Variants in PRRC2B observed in about 807,000 individuals in gnomAD.
PRRC2B encodes the protein proline rich coiled-coil 2B, also known as protein PRRC2B.
A neutral mutation model predicts 242.3 loss-of-function variants in PRRC2B; 68 were observed. The observed-to-expected ratio is 0.28, with a 90% CI of 0.23 to 0.34. The LOEUF (loss-of-function observed/expected upper bound fraction) is 0.34. Ranked by LOEUF, PRRC2B falls within the 10% of genes least tolerant of loss-of-function variation. PRRC2B has a pLI of 1.00. For synonymous variants in PRRC2B, 1,228 were observed against 1,173.6 expected (o/e 1.05, Z -0.95); for missense variants, 2,835 against 2,954.8 (o/e 0.96, Z 0.94).
At chr9:131,416,286 T>C (rs927508662) in intron 1 of PRRC2B, among the ~76,000 whole-genome samples, 9 of 152,092 alleles carry the variant, frequency 5.9e-5, no homozygotes, top group African/African-American at 2.2e-4. Context: ...TTTTTGTATC[T>C]TTAGTAGGGA....
At position 131,482,802 on chromosome 9, in the gene PRRC2B, G is replaced by A. The variant is rs1317946131; in HGVS notation, c.5268G>A (p.Gly1756=). The change falls in exon 22 of 32, where the codon GGG becomes GGA. Residue 1756 remains glycine, a synonymous_variant. Transcript: ENST00000683519. This position sits in a 1 kb window ranked among gnomAD's most constrained non-coding sequence, Gnocchi z 5.2. The part of the protein sequence containing the change: ...RSLKNRKGSE[G]AERLQGAVVP... ...TGAAAAACAGAAAGGGCTCGGAGGG[G>A]GCCGAGCGGCTGCAAGGGGCTGTCG... The A allele has an allele frequency of 6.2e-7, 1 of 1,610,356 alleles. No homozygotes were observed. The highest frequency in any genetic ancestry group is 2.2e-5 in the East Asian group (1 of 44,740).
intron 6 of PRRC2B, 27 bp downstream of exon 6, chr9:131,444,355 C>G (rs761606209): frequency 6.2e-7 from 1 of 1,602,278 alleles, no homozygotes; most frequent in Non-Finnish European, 8.5e-7. Context: ...TCTGGGCACT[C>G]GATGGAGTAA....
At chr9:131,464,311 C>CT (rs1008417821) in intron 11 of PRRC2B, among the ~76,000 whole-genome samples, 1 of 152,198 alleles carries the variant, frequency 6.6e-6, no homozygotes, top group African/African-American at 2.4e-5. Flanking sequence ...AGGGCTCTTT[C>CT]TACCCAGGGG....
chr9:131,461,362 G>A (rs1344515923), intron 11 of PRRC2B, among the ~76,000 whole-genome samples: 1 of 152,068 alleles, frequency 6.6e-6, no homozygotes, highest in East Asian at 1.9e-4. Context: ...CCTTGCCTGG[G>A]CTCTAACCAT....
chr9:131,482,478 G>A lies in PRRC2B; in HGVS notation c.5091G>A (p.Lys1697=), dbSNP rs368235758. The stretch of plus-strand genomic sequence containing the variant: ...GCAGCTCCCCATATGGGACTCTGAA[G>A]CCAGAGGAGATGAGCGGGCCCGGCC... The part of the protein sequence containing the change: ...SQRSSPYGTL[K]PEEMSGPGLA... The change falls in exon 21 of 32, where the codon AAG becomes AAA. Residue 1697 remains lysine, a synonymous_variant. Coordinates refer to ENST00000683519, the MANE Select transcript of PRRC2B (RefSeq NM_013318.4). The surrounding 1 kb of genome is among the most constrained non-coding windows in gnomAD (Gnocchi z 5.2). 3.5e-5 allele frequency: 56 copies of A among 1,612,228 alleles called. No individual in the cohort carries two copies. Among genetic ancestry groups the A allele is most frequent in the Middle Eastern group, 1.6e-4 (1 of 6,076 alleles).
At chr9:131,421,355 A>G (rs1837834456) in intron 1 of PRRC2B, among the ~76,000 whole-genome samples, 1 of 152,170 alleles carries the variant, frequency 6.6e-6, no homozygotes, top group Non-Finnish European at 1.5e-5. Context: ...TGTGTTGGGG[A>G]AAGATAGACT....
intron 1 of PRRC2B, among the ~76,000 whole-genome samples, 151 bp downstream of exon 1, chr9:131,394,414 G>C (rs1836983148): frequency 6.8e-6 from 1 of 146,144 alleles, no homozygotes; most frequent in Non-Finnish European, 1.5e-5. Flanking sequence ...GAGCGCGGCC[G>C]CCGCCGCCTC....
intron 1 of PRRC2B, among the ~76,000 whole-genome samples, chr9:131,387,296 C>G (rs1044605205): frequency 2.0e-5 from 3 of 150,026 alleles, no homozygotes; most frequent in African/African-American, 7.3e-5. Flanking sequence ...CCACCGCGCC[C>G]GGCCACCTGT....
At position 131,447,737 on chromosome 9, in the gene PRRC2B, C is replaced by T. The variant is rs1838850204; in HGVS notation, c.1053C>T (p.Thr351=). The T allele has an allele frequency of 6.2e-7, 1 of 1,613,798 alleles. No individual in the cohort carries two copies. Among genetic ancestry groups the T allele is most frequent in the Non-Finnish European group, 8.5e-7 (1 of 1,179,754 alleles). Residue 351 remains threonine, a synonymous_variant, in exon 9 of 32, where the codon ACC becomes ACT. Coordinates refer to ENST00000683519, the MANE Select transcript of PRRC2B (RefSeq NM_013318.4). The part of the protein sequence containing the change: ...RQLVERAPRP[T]IINAENLKGL... ...TGGTGGAGCGGGCACCACGGCCCAC[C>T]ATTATCAATGCGGAAAACCTGAAGG...
intron 9 of PRRC2B, among the ~76,000 whole-genome samples, chr9:131,450,835 G>A (rs1182613126): frequency 1.3e-5 from 2 of 151,732 alleles, no homozygotes; most frequent in East Asian, 2.0e-4. Context: ...TGATAGGTCC[G>A]CCTTGGCCTC....
intron 1 of PRRC2B, among the ~76,000 whole-genome samples, chr9:131,420,294 T>A (rs1205707966): frequency 6.6e-6 from 1 of 151,830 alleles, no homozygotes; most frequent in Non-Finnish European, 1.5e-5. Flanking sequence ...CCTCACCCAT[T>A]TGGGCTTCTG....
chr9:131,430,924 A>G (rs1381270461), intron 2 of PRRC2B, among the ~76,000 whole-genome samples: 5 of 150,200 alleles, frequency 3.3e-5, no homozygotes, highest in Non-Finnish European at 7.4e-5. Flanking sequence ...GATGGGTAGA[A>G]TGGGACTTAA....
In PRRC2B at chr9:131,475,447, C is replaced by G. The variant is rs373631803; in HGVS notation, c.3318C>G (p.Ser1106Arg). The G allele has an allele frequency of 7.6e-6, 12 of 1,579,940 alleles. No individual in the cohort carries two copies. The highest frequency in any genetic ancestry group is 9.5e-6 in the Non-Finnish European group (11 of 1,162,892). Reference sequence around the variant, plus strand: ...GCATCTACTGCAGCAGTCAGCGCAGCGGCCGTGGCCGGGGCCTGCGAGAGT... The same window carrying G: ...GCATCTACTGCAGCAGTCAGCGCAGGGGCCGTGGCCGGGGCCTGCGAGAGT... ...ARSIYCSSQR[S>R]GRGRGLREFA... is the part of the protein sequence containing the mutation. Residue 1106 changes from serine to arginine, a missense_variant, in exon 16 of 32, where the codon AGC becomes AGG. Around this residue, in one of 7 missense-constraint regions of PRRC2B, gnomAD observed 1,536 missense variants for 1,483.1 expected, o/e 1.04. Coordinates refer to ENST00000683519, the MANE Select transcript of PRRC2B (RefSeq NM_013318.4).
chr9:131,470,659 C>T, intron 13 of PRRC2B, 129 bp from the exon 14 acceptor site: 1 of 690,890 alleles, frequency 1.4e-6, no homozygotes, highest in Non-Finnish European at 2.4e-6. Context: ...CCATCCCTCC[C>T]CTCCTTGGTC....
At chr9:131,469,500 C>T (rs899443483) in intron 13 of PRRC2B, among the ~76,000 whole-genome samples, 1 of 152,082 alleles carries the variant, frequency 6.6e-6, no homozygotes, top group Non-Finnish European at 1.5e-5. Flanking sequence ...ACTCAAGTCT[C>T]TTGATTGATG....
chr9:131,477,560 A>AC (rs1314356991), intron 16 of PRRC2B, among the ~76,000 whole-genome samples, 184 bp from the exon 17 acceptor site: 1 of 152,176 alleles, frequency 6.6e-6, no homozygotes, highest in African/African-American at 2.4e-5. Flanking sequence ...GGGCAGCCTT[A>AC]CACGTATGTT....
At chr9:131,463,627 G>C (rs1388453134) in intron 11 of PRRC2B, among the ~76,000 whole-genome samples, 1 of 57,130 alleles carries the variant, frequency 1.8e-5, no homozygotes, top group African/African-American at 6.0e-5. Context: ...TTTTAGGCAT[G>C]CTTTTTTTTT....
intron 1 of PRRC2B, among the ~76,000 whole-genome samples, chr9:131,418,768 T>C (rs1292350268): frequency 6.6e-6 from 1 of 152,244 alleles, no homozygotes; most frequent in East Asian, 1.9e-4. Flanking sequence ...TTTAAAATTA[T>C]CTTCATAGTT....
chr9:131,475,549 G>A lies in PRRC2B; in HGVS notation c.3420G>A (p.Glu1140=), dbSNP rs755554374. 2 of 1,612,824 alleles carry A rather than the reference G, an allele frequency of 1.2e-6. No individual in the cohort carries two copies. Among genetic ancestry groups the A allele is most frequent in the Admixed American group, 1.7e-5 (1 of 59,988 alleles). Residue 1140 remains glutamate (E), a synonymous_variant, in exon 16 of 32, where the codon GAG becomes GAA. Transcript: ENST00000683519. Reference sequence around the variant, plus strand: ...GTGAGACCCATAGCGAGGGCTCAGAGTATGAAGAACTTCCCAAGCGCCGCC... The same window carrying A: ...GTGAGACCCATAGCGAGGGCTCAGAATATGAAGAACTTCCCAAGCGCCGCC... ...VASETHSEGS[E]YEELPKRRRQ...
Sources: allele counts gnomAD v4.1 joint callset (sites outside exome capture counted in the v4.1 genomes callset), GRCh38; gene constraint gnomAD v4.1.1; regional missense constraint gnomAD v4.1.1; non-coding constraint Gnocchi (gnomAD v3.1); transcripts MANE v1.5; gene names NCBI Gene and HGNC (gene_info 2026-07-23, HGNC 2026-07-21).